Variants in EML4 observed in about 807,000 individuals in gnomAD.
The protein encoded by EML4 is echinoderm microtubule-associated protein-like 4.
Under a neutral mutation model 129.0 loss-of-function variants are expected in EML4, and 72 were observed. The ratio of observed to expected loss-of-function variants is 0.56; its 90% CI spans 0.46 to 0.68. The LOEUF (loss-of-function observed/expected upper bound fraction) is 0.68. EML4 is among the 30% of genes least tolerant of loss of function. The probability of loss-of-function intolerance (pLI) is 0.00; values close to 1 mark genes in which losing one functional copy is unlikely to be tolerated. For missense variants in EML4, 1,363 were observed against 1,190.6 expected (o/e 1.14, Z -2.13); for synonymous variants, 532 against 405.0 (o/e 1.31, Z -3.77).
intron 1 of EML4, among the ~76,000 whole-genome samples, chr2:42,211,458 A>G (rs1023409977): frequency 1.3e-5 from 2 of 152,186 alleles, no homozygotes; most frequent in Non-Finnish European, 2.9e-5. Context: ...GAATGAGGAA[A>G]TTGGCTTGGG....
chr2:42,280,278 T>C (rs1457812488), intron 6 of EML4, among the ~76,000 whole-genome samples: 1 of 152,262 alleles, frequency 6.6e-6, no homozygotes, highest in Non-Finnish European at 1.5e-5. Flanking sequence ...AGATAAATTA[T>C]ATTTTAATTA....
At chr2:42,277,851 G>A (rs1358195595) in intron 6 of EML4, among the ~76,000 whole-genome samples, 3 of 152,180 alleles carry the variant, frequency 2.0e-5, no homozygotes, top group Admixed American at 2.0e-4. Context: ...ACAGGCATGA[G>A]CCACCATGCC....
intron 1 of EML4, among the ~76,000 whole-genome samples, chr2:42,241,456 C>T (rs1675026744): frequency 6.6e-6 from 1 of 152,164 alleles, no homozygotes; most frequent in African/African-American, 2.4e-5. Flanking sequence ...AGATAGGAGA[C>T]ATACTTGTTC....
intron 1 of EML4, among the ~76,000 whole-genome samples, chr2:42,196,761 C>G (rs1671918479): frequency 6.6e-6 from 1 of 152,150 alleles, no homozygotes; most frequent in Admixed American, 6.5e-5. Context: ...TAGTAACTTC[C>G]CTTCCCCCTC....
intron 3 of EML4, among the ~76,000 whole-genome samples, chr2:42,257,640 C>A (rs552396092): frequency 2.6e-4 from 39 of 152,076 alleles, no homozygotes; most frequent in Admixed American, 6.5e-4. Context: ...TCGAGACCAT[C>A]CTGGCTAACA....
intron 1 of EML4, among the ~76,000 whole-genome samples, chr2:42,224,703 C>T (rs936883917): frequency 1.3e-5 from 2 of 152,084 alleles, no homozygotes; most frequent in African/African-American, 4.8e-5. Context: ...CTTATCCTCA[C>T]CAACACTTTG....
chr2:42,229,002 A>C (rs1022014125), intron 1 of EML4, among the ~76,000 whole-genome samples: 1 of 152,202 alleles, frequency 6.6e-6, no homozygotes, highest in Non-Finnish European at 1.5e-5. Flanking sequence ...GTGAGTAAAC[A>C]AATCAGTAAA....
chr2:42,212,476 AT>A (rs200482527), intron 1 of EML4, among the ~76,000 whole-genome samples: 37 of 148,148 alleles, frequency 2.5e-4, no homozygotes, highest in Admixed American at 2.0e-4. Flanking sequence ...TCGGCAGTAG[AT>A]TTTTTTTTTT....
At chr2:42,229,184 A>C (rs901722756) in intron 1 of EML4, among the ~76,000 whole-genome samples, 3 of 152,200 alleles carry the variant, frequency 2.0e-5, no homozygotes, top group Non-Finnish European at 4.4e-5. Flanking sequence ...AGTAGTAGCT[A>C]ACATTTATAA....
At chr2:42,204,093 A>T (rs933877734) in intron 1 of EML4, among the ~76,000 whole-genome samples, 2 of 151,818 alleles carry the variant, frequency 1.3e-5, no homozygotes, top group African/African-American at 4.8e-5. Context: ...CTAATTTTTA[A>T]ATTTTTTAAT....
At chr2:42,317,895 TC>T (rs1372383428) in intron 19 of EML4, among the ~76,000 whole-genome samples, 2 of 152,218 alleles carry the variant, frequency 1.3e-5, no homozygotes, top group African/African-American at 4.8e-5. Flanking sequence ...CCCTACAACA[TC>T]CTATATCACT....
rs184842926 is a variant in EML4 at position 42,262,728 on chromosome 2, G to C, written c.513-450G>C. On this transcript the variant is annotated intron_variant, in intron 4 of 22. Transcript: ENST00000318522. ...ATTGTCCCTAAAGATATAAACAAGA[G>C]TTTATACCTTGTTATATTTAGAAAT... Among the ~76,000 whole-genome samples the C allele has an allele frequency of 5.3e-5, 8 of 152,162 alleles. No individual in the cohort carries two copies. In the East Asian group the frequency reaches 1.5e-3, roughly 29 times the overall value.
chr2:42,175,137 G>A (rs201582602), intron 1 of EML4, among the ~76,000 whole-genome samples: 3 of 150,454 alleles, frequency 2.0e-5, no homozygotes, highest in Non-Finnish European at 4.4e-5. Context: ...TTTTGAGACG[G>A]AGTCTTGCTC....
At chr2:42,202,008 G>A (rs1298180898) in intron 1 of EML4, among the ~76,000 whole-genome samples, 1 of 151,988 alleles carries the variant, frequency 6.6e-6, no homozygotes, top group African/African-American at 2.4e-5. Flanking sequence ...GCTTGAACTC[G>A]GGGGGCAGAG....
chr2:42,173,412 C>G (rs1286510615), intron 1 of EML4, among the ~76,000 whole-genome samples: 2 of 151,966 alleles, frequency 1.3e-5, no homozygotes, highest in African/African-American at 4.8e-5. Context: ...AGAGCATCTT[C>G]AACATGAGTT....
chr2:42,191,883 C>T (rs141995035), intron 1 of EML4, among the ~76,000 whole-genome samples: 1,592 of 152,206 alleles, frequency 0.01, 32 homozygotes, highest in African/African-American at 0.036. Context: ...GTGGCTCACA[C>T]CTGTAATCCC....
At chr2:42,244,126 G>T (rs1326413108) in intron 1 of EML4, among the ~76,000 whole-genome samples, 1 of 146,082 alleles carries the variant, frequency 6.8e-6, no homozygotes, top group African/African-American at 2.6e-5. Flanking sequence ...TTGAGACGGG[G>T]TCTTGCTCTG....
chr2:42,279,661 A>AGAC (rs1666895171), intron 6 of EML4, among the ~76,000 whole-genome samples: 1 of 151,806 alleles, frequency 6.6e-6, no homozygotes, highest in African/African-American at 2.4e-5. Flanking sequence ...TTTGTAGTAG[A>AGAC]GACGGGGTTT....
rs886126267 is a variant in EML4, at chr2:42,169,809, C to T, written c.25+173C>T. On this transcript the variant is annotated intron_variant, in intron 1 of 22. Transcript: ENST00000318522. Reference sequence around the variant, plus strand: ...GCGGACTCCGGTGGACTGAGGGCCCCTCCCCCATGTCCAACTCTCCTCTGT... The same window carrying T: ...GCGGACTCCGGTGGACTGAGGGCCCTTCCCCCATGTCCAACTCTCCTCTGT... 8.0e-6 allele frequency: 5 copies of T among 627,688 alleles called. No individual in the cohort carries two copies. The African/African-American group carries it at 9.6e-5, about 12-fold the overall frequency. The allele number at this position is 627,688 out of a possible 1,614,324, so 38.9% of individuals were successfully genotyped here. A position where few individuals can be genotyped will look rare whatever the true frequency, so the allele number is the denominator to read the frequency against.
Sources: allele counts gnomAD v4.1 joint callset (sites outside exome capture counted in the v4.1 genomes callset), GRCh38; gene constraint gnomAD v4.1.1; transcripts MANE v1.5; gene names NCBI Gene and HGNC (gene_info 2026-07-23, HGNC 2026-07-21).